The following IGSF21 variants were observed in gnomAD, a reference collection of about 807,000 sequenced individuals.
IGSF21 encodes the protein immunoglobin superfamily member 21, also known as immunoglobulin superfamily member 21.
A neutral mutation model predicts 46.8 loss-of-function variants in IGSF21; 28 were observed. The ratio of observed to expected loss-of-function variants is 0.60; its 90% CI spans 0.44 to 0.82. The LOEUF is 0.82. Among genes scored for constraint, IGSF21 ranks in the 40% least tolerant of loss-of-function variants. The probability of loss-of-function intolerance (pLI) is 0.00; values close to 1 mark genes in which losing one functional copy is unlikely to be tolerated. For synonymous variants in IGSF21, 284 were observed against 273.6 expected, an observed-to-expected ratio of 1.04 and a Z score of -0.38; for missense variants, 624 against 665.5, an observed-to-expected ratio of 0.94 and a Z score of 0.69.
chr1:18,359,385 AG>A (rs1190667026), intron 4 of IGSF21, among the ~76,000 whole-genome samples: 1,952 of 67,600 alleles, frequency 0.029, 30 homozygotes, highest in East Asian at 0.059. Flanking sequence ...AAAGAAAGAA[AG>A]GAAGGAAGGA....
At chr1:18,188,311 A>G (rs369340656) in intron 1 of IGSF21, among the ~76,000 whole-genome samples, 49 of 152,320 alleles carry the variant, frequency 3.2e-4, no homozygotes, top group African/African-American at 8.4e-4. Context: ...GCCATGAAAT[A>G]TAACCATGAA....
At chr1:18,197,909 C>T (rs1023895894) in intron 1 of IGSF21, among the ~76,000 whole-genome samples, 1 of 152,154 alleles carries the variant, frequency 6.6e-6, no homozygotes, top group East Asian at 1.9e-4. Flanking sequence ...TGGCCACTGG[C>T]TTCTATAAGA....
chr1:18,230,691 G>T (rs1045664907), intron 2 of IGSF21, among the ~76,000 whole-genome samples: 1 of 152,070 alleles, frequency 6.6e-6, no homozygotes, highest in Non-Finnish European at 1.5e-5. Context: ...TGCCACTCTA[G>T]CTTTCTCTAG....
intron 2 of IGSF21, among the ~76,000 whole-genome samples, chr1:18,228,496 G>A (rs1223852450): frequency 1.3e-5 from 2 of 152,140 alleles, no homozygotes; most frequent in Non-Finnish European, 2.9e-5. Flanking sequence ...ATCTGAGAAG[G>A]GAATTGGTTA....
chr1:18,137,987 C>A lies in IGSF21; in HGVS notation c.70+29789C>A, dbSNP rs74059411. ...AGCAGAGCTGGGATTCTGTTTCCAGCAGATCTGACCTGGCGATAGAAGCCA... is the reference window on the plus strand; with the variant it reads ...AGCAGAGCTGGGATTCTGTTTCCAGAAGATCTGACCTGGCGATAGAAGCCA... On this transcript the variant is annotated intron_variant, in intron 1 of 9. Transcript: ENST00000251296. Among the ~76,000 whole-genome samples, 839 of 152,280 alleles carry A rather than the reference C, an allele frequency of 5.5e-3. 8 individuals are homozygous for A. Among genetic ancestry groups the A allele is most frequent in the African/African-American group, 0.019 (787 of 41,546 alleles).
chr1:18,241,823 GT>G (rs2124518601), intron 2 of IGSF21, among the ~76,000 whole-genome samples: 1 of 152,318 alleles, frequency 6.6e-6, no homozygotes, highest in African/African-American at 2.4e-5. Context: ...CCATTTTAGG[GT>G]TGGGGACATT....
At chr1:18,244,285 G>C (rs1005301379) in intron 2 of IGSF21, among the ~76,000 whole-genome samples, 1 of 152,232 alleles carries the variant, frequency 6.6e-6, no homozygotes, top group African/African-American at 2.4e-5. Flanking sequence ...TAGAAAGAGG[G>C]ACGGAGCCCT....
In IGSF21 at chr1:18,290,481, C is replaced by T. The variant is rs939215334; in HGVS notation, c.184-1385C>T. On this transcript the variant is annotated intron_variant, in intron 2 of 9. Coordinates refer to ENST00000251296, the MANE Select transcript of IGSF21 (RefSeq NM_032880.5). This position sits in a 1 kb window ranked among gnomAD's most constrained non-coding sequence, Gnocchi z 4.2. Reference sequence around the variant, plus strand: ...CCTTCTCATGATTCTAACCATCCCCCGTCCTCACAGAGGCCACCTTACTCT... The same window carrying T: ...CCTTCTCATGATTCTAACCATCCCCTGTCCTCACAGAGGCCACCTTACTCT... Among the ~76,000 whole-genome samples the T allele has an allele frequency of 6.6e-6, 1 of 152,220 alleles. No homozygotes were observed. The highest frequency in any genetic ancestry group is 1.5e-5 in the Non-Finnish European group (1 of 68,044).
Position 18,289,385 on chromosome 1 carries a change from G to A in IGSF21, c.184-2481G>A, listed in dbSNP as rs372318777. On this transcript the variant is annotated intron_variant, in intron 2 of 9. Transcript: ENST00000251296. ...CTGGCCACCAGGGGTGGAAAGGGAC[G>A]TTGAGAGGCATTCAGTTCACCCGCA... Among the ~76,000 whole-genome samples the A allele has an allele frequency of 9.8e-5, 15 of 152,318 alleles. No homozygotes were observed. The East Asian group carries it at 1.5e-3, about 16-fold the overall frequency.
chr1:18,132,181 ATGGATG>A lies in IGSF21; in HGVS notation c.70+23984_70+23989del, dbSNP rs1570252462. On this transcript the variant is annotated intron_variant, in intron 1 of 9. Transcript: ENST00000251296. ...AATATCTGGATGAATGGATGGATGGATGGATGGATGGATGGATGGATGGAATGATAG... is the reference window on the plus strand; with the variant it reads ...AATATCTGGATGAATGGATGGATGGAGATGGATGGATGGATGGAATGATAG... Among the ~76,000 whole-genome samples, 3 of 151,856 alleles carry A rather than the reference ATGGATG, an allele frequency of 2.0e-5. No individual in the cohort carries two copies. The East Asian group carries it at 5.8e-4, about 29-fold the overall frequency.
chr1:18,108,667 G>C (rs1227568960), intron 1 of IGSF21, among the ~76,000 whole-genome samples: 3 of 152,086 alleles, frequency 2.0e-5, no homozygotes, highest in South Asian at 4.2e-4. Context: ...CCCTGTGAGG[G>C]TGTGAAGTGT....
At chr1:18,217,478 A>G (rs1326392108) in intron 1 of IGSF21, among the ~76,000 whole-genome samples, 2 of 152,252 alleles carry the variant, frequency 1.3e-5, no homozygotes, top group Non-Finnish European at 2.9e-5. Flanking sequence ...GCCCAGCCAC[A>G]AGTCTCTTAC....
chr1:18,287,193 T>A (rs199770915), intron 2 of IGSF21, among the ~76,000 whole-genome samples: 940 of 30,384 alleles, frequency 0.031, 27 homozygotes, highest in South Asian at 0.11. Context: ...AAAAAAAAAA[T>A]AAAATAAATA....
At chr1:18,147,113 C>G (rs867815622) in intron 1 of IGSF21, among the ~76,000 whole-genome samples, 2 of 152,330 alleles carry the variant, frequency 1.3e-5, no homozygotes, top group Middle Eastern at 3.4e-3. Flanking sequence ...CTGCCATAGC[C>G]TCCCTGCTGG....
In IGSF21 at chr1:18,335,188, G is replaced by A. The variant is rs918634628; in HGVS notation, c.424+178G>A. On this transcript the variant is annotated intron_variant, in intron 4 of 9. Coordinates refer to ENST00000251296, the MANE Select transcript of IGSF21 (RefSeq NM_032880.5). The surrounding 1 kb of genome is among the most constrained non-coding windows in gnomAD (Gnocchi z 4.8). Reference sequence around the variant, plus strand: ...GGCAACCAGACCAAGCTGAGCCAAGGTGTGACCCGTGAAGTCTTGCCCCCC... The same window carrying A: ...GGCAACCAGACCAAGCTGAGCCAAGATGTGACCCGTGAAGTCTTGCCCCCC... Among the ~76,000 whole-genome samples the A allele has an allele frequency of 6.6e-6, 1 of 152,204 alleles. No homozygotes were observed. The highest frequency in any genetic ancestry group is 1.9e-4 in the East Asian group (1 of 5,186).
chr1:18,199,414 A>G (rs901525028), intron 1 of IGSF21, among the ~76,000 whole-genome samples: 1 of 152,184 alleles, frequency 6.6e-6, no homozygotes, highest in African/African-American at 2.4e-5. Context: ...CCCCATTACA[A>G]CAACGGCTAC....
At chr1:18,140,530 G>A (rs3889925) in intron 1 of IGSF21, among the ~76,000 whole-genome samples, 21,220 of 152,178 alleles carry the variant, frequency 0.14, 1,577 homozygotes, top group Middle Eastern at 0.17. Flanking sequence ...GGAGGCGGCC[G>A]CATATGCATG....
At chr1:18,200,914 C>T (rs2087066749) in intron 1 of IGSF21, among the ~76,000 whole-genome samples, 1 of 152,134 alleles carries the variant, frequency 6.6e-6, no homozygotes, top group Non-Finnish European at 1.5e-5. Flanking sequence ...GAGGGGTCCA[C>T]CTTTGCTCTT....
intron 3 of IGSF21, among the ~76,000 whole-genome samples, chr1:18,292,929 G>A (rs1377957174): frequency 6.6e-6 from 1 of 152,188 alleles, no homozygotes; most frequent in Non-Finnish European, 1.5e-5. Flanking sequence ...GCTTTGCCAG[G>A]TGCCCAGCCT....
Sources: gnomAD v4.1 joint callset for allele counts (sites outside exome capture counted in the v4.1 genomes callset) on GRCh38, gnomAD v4.1.1 for gene constraint, Gnocchi (gnomAD v3.1) non-coding constraint, MANE v1.5 for transcripts, NCBI Gene and HGNC (gene_info 2026-07-23, HGNC 2026-07-21) for gene names.